The following SHISA6 variants were observed in gnomAD, a reference collection of about 807,000 sequenced individuals.
The protein encoded by SHISA6 is protein shisa-6.
Under a neutral mutation model 47.9 loss-of-function variants are expected in SHISA6, and 22 were observed. The observed-to-expected ratio is 0.46, with a 90% CI of 0.33 to 0.66. The LOEUF is 0.66. SHISA6 is among the 30% of genes least tolerant of loss of function. SHISA6 has a pLI of 0.02. For missense variants in SHISA6, 680 were observed against 764.6 expected (o/e 0.89, Z 1.30); for synonymous variants, 388 against 337.8 (o/e 1.15, Z -1.63).
At chr17:11,306,921 C>T (rs1008088489) in intron 2 of SHISA6, among the ~76,000 whole-genome samples, 1 of 152,166 alleles carries the variant, frequency 6.6e-6, no homozygotes, top group Non-Finnish European at 1.5e-5. Context: ...AAAGGGAAGG[C>T]AACATCCTTA....
chr17:11,412,689 C>T (rs533879364), intron 3 of SHISA6, among the ~76,000 whole-genome samples: 29 of 152,088 alleles, frequency 1.9e-4, no homozygotes, highest in Admixed American at 7.2e-4. Context: ...CTACAGGCAC[C>T]GGCCACCGTG....
Position 11,558,434 on chromosome 17 carries a change from A to C in SHISA6, c.*130A>C. 1 of 1,094,838 alleles carries C rather than the reference A, an allele frequency of 9.1e-7. No individual in the cohort carries two copies. The highest frequency in any genetic ancestry group is 1.3e-6 in the Non-Finnish European group (1 of 783,174). 67.8% of individuals were successfully genotyped at this position (1,094,838 alleles called of 1,614,324 possible). ...CCTCTGTAGGAAGTGGGGGTGGGCC[A>C]CCTTTGCCCAAAAAGCCATACCCCC... is the stretch of plus-strand genomic sequence containing the variant. On this transcript the variant is annotated 3_prime_UTR_variant, in exon 6 of 6. Transcript: ENST00000441885.
intron 3 of SHISA6, among the ~76,000 whole-genome samples, chr17:11,521,528 A>C (rs2071629216): frequency 6.6e-6 from 1 of 152,198 alleles, no homozygotes; most frequent in Non-Finnish European, 1.5e-5. Flanking sequence ...TCACGCCTGT[A>C]ATCTCAGCAC....
chr17:11,441,006 G>GAGGA (rs1212929460), intron 3 of SHISA6, among the ~76,000 whole-genome samples: 3 of 151,834 alleles, frequency 2.0e-5, no homozygotes, highest in African/African-American at 7.3e-5. Flanking sequence ...TGAGAAGAGA[G>GAGGA]AGGAAGGAAG....
chr17:11,363,385 G>A (rs921436221), intron 2 of SHISA6, among the ~76,000 whole-genome samples: 2 of 152,064 alleles, frequency 1.3e-5, no homozygotes, highest in African/African-American at 2.4e-5. Context: ...GGAAATAGAT[G>A]GGATTAGACT....
chr17:11,534,503 C>T (rs1388620890), intron 3 of SHISA6, among the ~76,000 whole-genome samples: 1 of 151,980 alleles, frequency 6.6e-6, no homozygotes, highest in African/African-American at 2.4e-5. Context: ...TCATCACCTG[C>T]CATCATCAAG....
chr17:11,345,417 G>A (rs1911670363), intron 2 of SHISA6, among the ~76,000 whole-genome samples: 1 of 152,010 alleles, frequency 6.6e-6, no homozygotes, highest in Non-Finnish European at 1.5e-5. Flanking sequence ...GAAAGTATTA[G>A]TCTTGTAACT....
chr17:11,297,336 G>T (rs1356931286), intron 2 of SHISA6, among the ~76,000 whole-genome samples: 1 of 152,112 alleles, frequency 6.6e-6, no homozygotes, highest in East Asian at 1.9e-4. Flanking sequence ...AAATAAGAAA[G>T]GTTATTTCCT....
At chr17:11,428,796 T>G (rs1479110792) in intron 3 of SHISA6, among the ~76,000 whole-genome samples, 1 of 148,662 alleles carries the variant, frequency 6.7e-6, no homozygotes, top group African/African-American at 2.5e-5. Flanking sequence ...TTTTTTTTTT[T>G]TTTTTTGAGA....
chr17:11,287,913 A>G (rs1909378270), intron 2 of SHISA6, among the ~76,000 whole-genome samples: 1 of 152,200 alleles, frequency 6.6e-6, no homozygotes, highest in African/African-American at 2.4e-5. Flanking sequence ...GAAAATTTCA[A>G]ACATATATAA....
chr17:11,514,770 A>G (rs1040962846), intron 3 of SHISA6, among the ~76,000 whole-genome samples: 1 of 152,230 alleles, frequency 6.6e-6, no homozygotes, highest in Non-Finnish European at 1.5e-5. Context: ...TCGGGTGACC[A>G]ATGCCAGGAG....
At chr17:11,408,671 A>G (rs1230412723) in intron 3 of SHISA6, among the ~76,000 whole-genome samples, 2 of 152,190 alleles carry the variant, frequency 1.3e-5, no homozygotes, top group African/African-American at 2.4e-5. Context: ...GAAGCCATCT[A>G]TTCATTGCCA....
intron 3 of SHISA6, among the ~76,000 whole-genome samples, chr17:11,400,546 C>T (rs1189447870): frequency 6.6e-6 from 1 of 152,176 alleles, no homozygotes; most frequent in African/African-American, 2.4e-5. Flanking sequence ...TTTAATATAG[C>T]AGCTGCCTCA....
At chr17:11,453,259 C>A (rs1218437997) in intron 3 of SHISA6, among the ~76,000 whole-genome samples, 1 of 152,152 alleles carries the variant, frequency 6.6e-6, no homozygotes, top group Non-Finnish European at 1.5e-5. Flanking sequence ...GACTCCAAGA[C>A]AGTATTGGCC....
intron 1 of SHISA6, among the ~76,000 whole-genome samples, chr17:11,262,250 A>C (rs1032434665): frequency 1.3e-5 from 2 of 152,092 alleles, no homozygotes; most frequent in Non-Finnish European, 2.9e-5. Flanking sequence ...ATGGGGGCAG[A>C]GTGTTGGAGC....
intron 1 of SHISA6, among the ~76,000 whole-genome samples, chr17:11,251,509 G>T (rs1033422877): frequency 6.6e-5 from 10 of 152,150 alleles, no homozygotes; most frequent in African/African-American, 2.4e-4. Flanking sequence ...GCTTGGGTGA[G>T]GGGCACAGGA....
intron 3 of SHISA6, among the ~76,000 whole-genome samples, chr17:11,542,277 T>G (rs2071840392): frequency 6.8e-6 from 1 of 147,282 alleles, no homozygotes; most frequent in African/African-American, 2.5e-5. Flanking sequence ...GGCTGACTCC[T>G]CAACCAAAAC....
At chr17:11,434,683 T>A (rs1036245338) in intron 3 of SHISA6, among the ~76,000 whole-genome samples, 21 of 152,316 alleles carry the variant, frequency 1.4e-4, no homozygotes, top group Non-Finnish European at 2.8e-4. Flanking sequence ...ATATAAGTTT[T>A]ATGTGTTATT....
chr17:11,254,672 T>C lies in SHISA6; in HGVS notation c.639-8694T>C, dbSNP rs1032864982. Among the ~76,000 whole-genome samples, 3 of 152,330 alleles carry C rather than the reference T, an allele frequency of 2.0e-5. No homozygotes were observed. The East Asian group carries it at 5.8e-4, about 29-fold the overall frequency. On this transcript the variant is annotated intron_variant, in intron 1 of 5. Transcript: ENST00000441885. ...TTGTTAGGATGCAATTCTAGTTGAT[T>C]CTCATGGGGAGCCAAAATTACTTCT... is the stretch of plus-strand genomic sequence containing the variant.
Sources: allele counts gnomAD v4.1 joint callset (sites outside exome capture counted in the v4.1 genomes callset), GRCh38; gene constraint gnomAD v4.1.1; transcripts MANE v1.5; gene names NCBI Gene and HGNC (gene_info 2026-07-23, HGNC 2026-07-21).